The following ACP3 variants were observed in gnomAD, a reference collection of about 807,000 sequenced individuals.
ACP3 encodes acid phosphatase 3, also known as prostatic acid phosphatase.
ACP3 carries 38 observed loss-of-function variants against 45.6 expected under a neutral mutation model. The ratio of observed to expected loss-of-function variants is 0.83; its 90% CI spans 0.64 to 1.09. ACP3 has a LOEUF of 1.09. ACP3 is among the 50% of genes least tolerant of loss of function. The pLI is 0.00. For missense variants in ACP3, 466 were observed against 463.2 expected (o/e 1.01, Z -0.05); for synonymous variants, 162 against 164.7 (o/e 0.98, Z 0.13).
chr3:132,332,378 T>A, intron 4 of ACP3, 34 bp downstream of exon 4: 1 of 1,613,086 alleles, frequency 6.2e-7, no homozygotes, highest in Non-Finnish European at 8.5e-7. Flanking sequence ...AGATTTCAGA[T>A]GGACCTAGAA....
chr3:132,346,180 C>T (rs1158533165), intron 7 of ACP3, among the ~76,000 whole-genome samples: 1 of 152,114 alleles, frequency 6.6e-6, no homozygotes, highest in Non-Finnish European at 1.5e-5. Context: ...TTCACTGAGG[C>T]TACTTAACTA....
chr3:132,329,913 CTTTTTTTTTTTT>C (rs59644798), intron 2 of ACP3, among the ~76,000 whole-genome samples: 1 of 119,936 alleles, frequency 8.3e-6, no homozygotes, highest in Non-Finnish European at 1.7e-5. Flanking sequence ...TGTCTAGGTA[CTTTTTTTTTTTT>C]TTTTTTTTTT....
At chr3:132,325,619 C>CACACACACACACACACACACACACACA (rs1308503169) in intron 1 of ACP3, among the ~76,000 whole-genome samples, 12 of 151,478 alleles carry the variant, frequency 7.9e-5, no homozygotes, top group South Asian at 2.1e-4. Flanking sequence ...CACACACACA[C>CACACACACACACACACACACACACACA]CCCTTCCAAT....
intron 7 of ACP3, among the ~76,000 whole-genome samples, chr3:132,346,547 C>G (rs996612684): frequency 6.6e-6 from 1 of 152,180 alleles, no homozygotes; most frequent in African/African-American, 2.4e-5. Flanking sequence ...TAGATGGAAG[C>G]TGGAGTGTTG....
downstream of ACP3, among the ~76,000 whole-genome samples, chr3:132,363,376 G>C (rs1008365911): frequency 4.6e-5 from 7 of 151,906 alleles, no homozygotes; most frequent in Non-Finnish European, 1.0e-4. Flanking sequence ...TCTTTTTTGT[G>C]GTCCCAATCT....
intron 6 of ACP3, 143 bp from the exon 7 acceptor site, chr3:132,344,784 A>T: frequency 1.1e-6 from 1 of 896,798 alleles, no homozygotes; most frequent in Non-Finnish European, 1.7e-6. Flanking sequence ...ACTACTTATC[A>T]CAATATGAAG....
intron 1 of ACP3, among the ~76,000 whole-genome samples, chr3:132,326,560 CCT>C (rs1937301282): frequency 1.3e-5 from 2 of 152,064 alleles, no homozygotes; most frequent in Non-Finnish European, 2.9e-5. Context: ...CATCATTGCC[CCT>C]GTTTCTGTAG....
intron 1 of ACP3, among the ~76,000 whole-genome samples, chr3:132,318,662 A>T (rs1483055918): frequency 6.6e-6 from 1 of 152,144 alleles, no homozygotes; most frequent in Non-Finnish European, 1.5e-5. Flanking sequence ...CTATCAATTT[A>T]TTTACAAATG....
chr3:132,318,491 A>G (rs1410547658), intron 1 of ACP3, among the ~76,000 whole-genome samples: 1 of 151,438 alleles, frequency 6.6e-6, no homozygotes, highest in Non-Finnish European at 1.5e-5. Context: ...CTTAAAAATT[A>G]AAGTTCAGGC....
intron 10 of ACP3, among the ~76,000 whole-genome samples, chr3:132,364,254 G>A (rs1938093355): frequency 1.3e-5 from 2 of 152,120 alleles, no homozygotes; most frequent in African/African-American, 4.8e-5. Flanking sequence ...AGGCTGAGGT[G>A]GGAGGATCAC....
exon 11 of ACP3, chr3:132,367,743 C>G: frequency 6.2e-7 from 1 of 1,613,812 alleles, no homozygotes; most frequent in Non-Finnish European, 8.5e-7. Context: ...TGCCTGATAT[C>G]TGCTGTCCTA....
chr3:132,325,065 G>A (rs1367982308), intron 1 of ACP3, among the ~76,000 whole-genome samples: 1 of 152,200 alleles, frequency 6.6e-6, no homozygotes, highest in Non-Finnish European at 1.5e-5. Flanking sequence ...GCTGGACTGA[G>A]CACAGAGGTA....
intron 7 of ACP3, among the ~76,000 whole-genome samples, chr3:132,347,315 A>G (rs984772829): frequency 1.1e-4 from 17 of 152,216 alleles, no homozygotes; most frequent in African/African-American, 4.1e-4. Context: ...GAGATTTGTC[A>G]ACTACATGTT....
Position 132,357,197 on chromosome 3 carries a change from A to G in ACP3, c.*319A>G. 14 of 1,019,608 alleles carry G rather than the reference A, an allele frequency of 1.4e-5. No homozygotes were observed. The highest frequency in any genetic ancestry group is 1.6e-5 in the Non-Finnish European group (14 of 852,178). 63.2% of individuals were successfully genotyped at this position (1,019,608 alleles called of 1,614,324 possible). On this transcript the variant is annotated 3_prime_UTR_variant, in exon 10 of 10. Transcript: ENST00000336375. ...TGAACTATATGACTGGCCACACAGG[A>G]TCTTTTGTATTTAAGGATTCTGAGA...
intron 2 of ACP3, among the ~76,000 whole-genome samples, chr3:132,329,764 A>G (rs1275365921): frequency 1.3e-5 from 2 of 152,162 alleles, no homozygotes; most frequent in African/African-American, 4.8e-5. Context: ...GAATCTTGTC[A>G]AAATGTAGAT....
At chr3:132,318,513 TC>T (rs1192421196) in intron 1 of ACP3, among the ~76,000 whole-genome samples, 6 of 151,678 alleles carry the variant, frequency 4.0e-5, no homozygotes, top group African/African-American at 7.3e-5. Context: ...TTTTTTTTTT[TC>T]AGCATGGGAT....
intron 10 of ACP3, chr3:132,367,682 T>C (rs762688393): frequency 6.5e-7 from 1 of 1,532,018 alleles, no homozygotes; most frequent in Middle Eastern, 1.7e-4. Flanking sequence ...TTTACATTAA[T>C]ACTTTTCCTA....
chr3:132,363,827 C>T (rs1379303978), downstream of ACP3, among the ~76,000 whole-genome samples: 2 of 152,120 alleles, frequency 1.3e-5, no homozygotes, highest in Admixed American at 6.5e-5. Flanking sequence ...GTCCCAGCCA[C>T]TCAGGAGGCT....
chr3:132,344,192 C>T (rs1370145640), intron 6 of ACP3, among the ~76,000 whole-genome samples: 7 of 150,970 alleles, frequency 4.6e-5, no homozygotes, highest in Non-Finnish European at 8.8e-5. Context: ...GCAAGAGAAT[C>T]GCTTGAACCC....
Sources: allele counts gnomAD v4.1 joint callset (sites outside exome capture counted in the v4.1 genomes callset), GRCh38; gene constraint gnomAD v4.1.1; transcripts MANE v1.5; gene names NCBI Gene and HGNC (gene_info 2026-07-23, HGNC 2026-07-21).